Variants in PLEKHA7 observed in about 807,000 individuals in gnomAD.
PLEKHA7 encodes pleckstrin homology domain containing A7, also known as pleckstrin homology domain-containing family A member 7.
A neutral mutation model predicts 170.0 loss-of-function variants in PLEKHA7; 104 were observed. The ratio of observed to expected loss-of-function variants is 0.61; its 90% CI spans 0.52 to 0.72. PLEKHA7 has a LOEUF of 0.72. PLEKHA7 is among the 30% of genes least tolerant of loss of function. The pLI is 0.00. For synonymous variants in PLEKHA7, 648 were observed against 660.8 expected, an observed-to-expected ratio of 0.98 and a Z score of 0.30; for missense variants, 1,615 against 1,671.7, an observed-to-expected ratio of 0.97 and a Z score of 0.59.
intron 3 of PLEKHA7, among the ~76,000 whole-genome samples, chr11:16,937,429 G>A (rs1169373613): frequency 6.6e-6 from 1 of 152,144 alleles, no homozygotes. Context: ...CTACAGAAGA[G>A]AGGTATACGA....
At chr11:16,982,224 C>T (rs1863472746) in intron 3 of PLEKHA7, among the ~76,000 whole-genome samples, 1 of 152,270 alleles carries the variant, frequency 6.6e-6, no homozygotes, top group South Asian at 2.1e-4. Flanking sequence ...AGCCCCTTTA[C>T]AAAAGCTTTA....
At chr11:16,855,746 A>T in intron 5 of PLEKHA7, 57 bp downstream of exon 5, 1 of 1,329,204 alleles carries the variant, frequency 7.5e-7, no homozygotes, top group Non-Finnish European at 1.1e-6. Context: ...CTGGTTACAA[A>T]GGGGCTTGGC....
rs61086849 is a variant in PLEKHA7, at chr11:16,889,420, A to AAAAAAAAAAAATAT, written c.222-18239_222-18238insATATTTTTTTTTTT. On this transcript the variant is annotated intron_variant, in intron 3 of 26. Coordinates refer to ENST00000531066, the MANE Select transcript of PLEKHA7 (RefSeq NM_001329630.2). ...TTGCTCAAAAAAAAAAAAAAAAAAAAATATATATATATATATATATATATA... is the reference window on the plus strand; with the variant it reads ...TTGCTCAAAAAAAAAAAAAAAAAAAAAAAAAAAAAAATATATATATATATATATATATATATATA... 1.0e-3 allele frequency among the ~76,000 whole-genome samples: 77 copies of AAAAAAAAAAAATAT among 74,642 alleles called. 1 individual carries two copies. The highest frequency in any genetic ancestry group is 1.6e-3 in the Non-Finnish European group (66 of 42,234). 49.0% of individuals were successfully genotyped at this position (74,642 alleles called of 152,430 possible).
chr11:16,932,424 G>A lies in PLEKHA7; in HGVS notation c.222-61242C>T, dbSNP rs540040907. 3.9e-4 allele frequency among the ~76,000 whole-genome samples: 59 copies of A among 152,124 alleles called. No homozygotes were observed. In the East Asian group the frequency reaches 7.0e-3, roughly 18 times the overall value. ...TCCCCACCCAGTAGCCAGGACTACAGGTGCACACCACCTCACCTGGCTAAT... is the reference window on the plus strand; with the variant it reads ...TCCCCACCCAGTAGCCAGGACTACAAGTGCACACCACCTCACCTGGCTAAT... On this transcript the variant is annotated intron_variant, in intron 3 of 26. Coordinates refer to ENST00000531066, the MANE Select transcript of PLEKHA7 (RefSeq NM_001329630.2).
chr11:16,892,435 T>TGTGTGTGTGTGTGTATGTGTGTG (rs1554964897), intron 3 of PLEKHA7, among the ~76,000 whole-genome samples: 1 of 98,366 alleles, frequency 1.0e-5, no homozygotes, highest in Non-Finnish European at 2.1e-5. Flanking sequence ...TGTGTGTGTG[T>TGTGTGTGTGTGTGTATGTGTGTG]TTTGTTTTGT....
At chr11:16,804,329 A>G (rs549574808) in intron 13 of PLEKHA7, among the ~76,000 whole-genome samples, 1 of 152,336 alleles carries the variant, frequency 6.6e-6, no homozygotes, top group South Asian at 2.1e-4. Context: ...AGAGGTCCCA[A>G]TGTGGACCGA....
chr11:16,817,045 T>C lies in PLEKHA7; in HGVS notation c.1621A>G (p.Ile541Val). The change falls in exon 11 of 27, where the codon ATC (isoleucine) becomes GTC (valine). Residue 541 changes from isoleucine (I) to valine (V), a missense_variant. Coordinates refer to ENST00000531066, the MANE Select transcript of PLEKHA7 (RefSeq NM_001329630.2). The surrounding 1 kb of genome is among the most constrained non-coding windows in gnomAD (Gnocchi z 4.4). ...GTGAACTCTGGGGAGCCAAGGCAGA[T>C]GGGCGCTGTGGGGCTGCCGTGCCGG... The part of the protein sequence containing the change: ...QFRHGSPTAP[I>V]CLGSPEFTDQ... The C allele has an allele frequency of 5.0e-6, 8 of 1,608,202 alleles. No individual in the cohort carries two copies. Among genetic ancestry groups the C allele is most frequent in the Non-Finnish European group, 6.8e-6 (8 of 1,176,634 alleles).
chr11:16,826,036 C>T (rs188282785), intron 10 of PLEKHA7, 84 bp downstream of exon 10: 17 of 1,367,678 alleles, frequency 1.2e-5, no homozygotes, highest in South Asian at 1.1e-4. Context: ...GCTGCCCTTA[C>T]GCAGCAAGTG....
intron 3 of PLEKHA7, among the ~76,000 whole-genome samples, chr11:16,935,946 T>C (rs1165965325): frequency 5.9e-5 from 9 of 152,234 alleles, no homozygotes; most frequent in Admixed American, 2.0e-4. Flanking sequence ...GATCAAATTA[T>C]GCCTTGTTGC....
chr11:16,978,061 C>T (rs1863183395), intron 3 of PLEKHA7, among the ~76,000 whole-genome samples: 1 of 152,148 alleles, frequency 6.6e-6, no homozygotes, highest in African/African-American at 2.4e-5. Context: ...CCCTCACCTC[C>T]AGCTGGCTCC....
At chr11:16,841,280 C>A (rs1471129038) in intron 9 of PLEKHA7, among the ~76,000 whole-genome samples, 1 of 152,180 alleles carries the variant, frequency 6.6e-6, no homozygotes, top group Non-Finnish European at 1.5e-5. Flanking sequence ...CTCTCCCTAC[C>A]TGGTACCCCA....
chr11:16,976,519 G>A (rs11024096), intron 3 of PLEKHA7, among the ~76,000 whole-genome samples: 42,580 of 152,120 alleles, frequency 0.28, 7,233 homozygotes, highest in East Asian at 0.58. Flanking sequence ...GCACAGAGAC[G>A]TAGCAATGTG....
chr11:16,923,009 G>C (rs1480085963), intron 3 of PLEKHA7, among the ~76,000 whole-genome samples: 1 of 152,128 alleles, frequency 6.6e-6, no homozygotes, highest in Non-Finnish European at 1.5e-5. Context: ...ACAATCCATA[G>C]TGACCATGAC....
At position 16,930,119 on chromosome 11, in the gene PLEKHA7, C is replaced by T. The variant is rs577436134; in HGVS notation, c.222-58937G>A. Among the ~76,000 whole-genome samples, 29 of 152,310 alleles carry T rather than the reference C, an allele frequency of 1.9e-4. 1 individual carries two copies. The South Asian group carries it at 5.6e-3, about 29-fold the overall frequency. On this transcript the variant is annotated intron_variant, in intron 3 of 26. Coordinates refer to ENST00000531066, the MANE Select transcript of PLEKHA7 (RefSeq NM_001329630.2). ...GGCTGTTAAACTACAATTTGCTTCACATTTTGAGCTTTCCAAGAACCTAGA... is the reference window on the plus strand; with the variant it reads ...GGCTGTTAAACTACAATTTGCTTCATATTTTGAGCTTTCCAAGAACCTAGA...
chr11:16,824,581 T>G (rs1028861618), intron 10 of PLEKHA7, among the ~76,000 whole-genome samples: 1 of 152,228 alleles, frequency 6.6e-6, no homozygotes, highest in Non-Finnish European at 1.5e-5. Flanking sequence ...CGCATTCGAA[T>G]TCACTTACGA....
rs913276440 is a variant in PLEKHA7, at chr11:16,801,930, C to T, written c.2158-113G>A. The T allele has an allele frequency of 1.4e-4, 192 of 1,330,186 alleles. 2 individuals carry two copies. Among genetic ancestry groups the T allele is most frequent in the South Asian group, 9.7e-4 (74 of 76,268 alleles). The allele number at this position is 1,330,186 out of a possible 1,614,324, so 82.4% of individuals were successfully genotyped here. On this transcript the variant is annotated intron_variant, in intron 15 of 26. Coordinates refer to ENST00000531066, the MANE Select transcript of PLEKHA7 (RefSeq NM_001329630.2). ...ACCTAACCAAGGCCGAAGGGATCAG[C>T]GCTGAGATGTGGGCCCACAGTCGGG...
At chr11:16,842,139 G>A (rs117242511) in intron 8 of PLEKHA7, 1,758 of 169,580 alleles carry the variant, frequency 0.01, 16 homozygotes, top group Non-Finnish European at 0.016. Flanking sequence ...AAAACTGGCT[G>A]CAACAGCAGG....
intron 9 of PLEKHA7, among the ~76,000 whole-genome samples, chr11:16,828,207 G>C (rs1270467235): frequency 6.6e-6 from 1 of 152,162 alleles, no homozygotes; most frequent in Non-Finnish European, 1.5e-5. Context: ...CATGTGTCGT[G>C]GGAAGGACCT....
chr11:16,949,270 G>T (rs1861257558), intron 3 of PLEKHA7, among the ~76,000 whole-genome samples: 1 of 152,180 alleles, frequency 6.6e-6, no homozygotes, highest in Non-Finnish European at 1.5e-5. Flanking sequence ...TCCCCTGCAG[G>T]TGGGAAGGGG....
Sources: allele counts gnomAD v4.1 joint callset (sites outside exome capture counted in the v4.1 genomes callset), GRCh38; gene constraint gnomAD v4.1.1; non-coding constraint Gnocchi (gnomAD v3.1); transcripts MANE v1.5; gene names NCBI Gene and HGNC (gene_info 2026-07-23, HGNC 2026-07-21).